LRRC49: variants seen among roughly 807,000 people sequenced by gnomAD.
LRRC49 encodes leucine rich repeat containing 49.
In LRRC49, 50 loss-of-function variants were observed where a neutral mutation model predicts 83.3. The ratio of observed to expected loss-of-function variants is 0.60; its 90% CI spans 0.48 to 0.76. The LOEUF is 0.76. LRRC49 is among the 30% of genes least tolerant of loss of function. The probability of loss-of-function intolerance (pLI) is 0.00; values close to 1 mark genes in which losing one functional copy is unlikely to be tolerated. For missense variants in LRRC49, 704 were observed against 809.1 expected, an observed-to-expected ratio of 0.87 and a Z score of 1.58; for synonymous variants, 286 against 283.3, an observed-to-expected ratio of 1.01 and a Z score of -0.10.
At chr15:70,906,741 A>G (rs150518510) in intron 5 of LRRC49, among the ~76,000 whole-genome samples, 1 of 151,912 alleles carries the variant, frequency 6.6e-6, no homozygotes, top group Non-Finnish European at 1.5e-5. Flanking sequence ...TGTTCTTTCA[A>G]CTCTAAGAGA....
At chr15:70,875,432 A>T (rs921806575) in intron 2 of LRRC49, among the ~76,000 whole-genome samples, 12 of 152,240 alleles carry the variant, frequency 7.9e-5, no homozygotes, top group Admixed American at 4.6e-4. Context: ...TGGTTAGCAT[A>T]CATTTAATTC....
chr15:71,049,210 C>T (rs1366280273), intron 15 of LRRC49, among the ~76,000 whole-genome samples, 199 bp from the exon 16 acceptor site: 1 of 152,046 alleles, frequency 6.6e-6, no homozygotes, highest in African/African-American at 2.4e-5. Flanking sequence ...CTGAGAAGTA[C>T]TGAGACCCTT....
At chr15:70,993,240 A>G in intron 11 of LRRC49, among the ~76,000 whole-genome samples, 1 of 152,198 alleles carries the variant, frequency 6.6e-6, no homozygotes, top group East Asian at 1.9e-4. Context: ...AAAGTGCTGT[A>G]TTAGGGTGGG....
intron 1 of LRRC49, chr15:70,854,007 C>A (rs1272889214): frequency 6.9e-7 from 1 of 1,459,426 alleles, no homozygotes; most frequent in South Asian, 1.3e-5. Context: ...AACTCGTCCA[C>A]GTCCTCGGCC....
intron 14 of LRRC49, among the ~76,000 whole-genome samples, chr15:71,030,702 G>T (rs2141289195): frequency 6.6e-6 from 1 of 151,964 alleles, no homozygotes; most frequent in African/African-American, 2.4e-5. Flanking sequence ...TTTCTTGGAG[G>T]CTTTGTTCAT....
chr15:71,052,302 T>C lies in LRRC49; in HGVS notation c.*2690T>C, dbSNP rs918538697. On this transcript the variant is annotated 3_prime_UTR_variant, in exon 16 of 16. Coordinates refer to ENST00000260382, the MANE Select transcript of LRRC49 (RefSeq NM_017691.5). ...AAAGGGATCTCACGCAGAAACACTA[T>C]TGCATTTGCCTCAAAAGCAGAAACA... is the stretch of plus-strand genomic sequence containing the variant. The C allele has an allele frequency of 3.3e-5, 5 of 152,240 alleles. No homozygotes were observed. The highest frequency in any genetic ancestry group is 9.7e-5 in the African/African-American group (4 of 41,446). 9.4% of individuals were successfully genotyped at this position (152,240 alleles called of 1,614,324 possible).
intron 14 of LRRC49, among the ~76,000 whole-genome samples, chr15:71,024,671 A>C (rs566691546): frequency 6.6e-6 from 1 of 152,264 alleles, no homozygotes; most frequent in South Asian, 2.1e-4. Context: ...AAAAAAAAAA[A>C]CATTGAAAAC....
At chr15:70,954,623 C>A (rs1441602223) in intron 8 of LRRC49, among the ~76,000 whole-genome samples, 1 of 151,994 alleles carries the variant, frequency 6.6e-6, no homozygotes, top group Non-Finnish European at 1.5e-5. Context: ...ATCTTTATTG[C>A]CCTTAGGGTT....
chr15:70,878,219 A>T (rs1460983991), intron 2 of LRRC49, among the ~76,000 whole-genome samples: 2 of 152,160 alleles, frequency 1.3e-5, no homozygotes, highest in South Asian at 2.1e-4. Flanking sequence ...AGTTTTTTTT[A>T]ATCTCAGTTT....
intron 13 of LRRC49, among the ~76,000 whole-genome samples, chr15:71,012,483 A>C (rs2038684813): frequency 6.6e-6 from 1 of 151,846 alleles, no homozygotes; most frequent in South Asian, 2.1e-4. Context: ...TAATCCAAGA[A>C]GCTATAGGAT....
Position 71,049,546 on chromosome 15 carries a change from C to A in LRRC49, c.1995C>A (p.Val665=), listed in dbSNP as rs775616422. The change falls in exon 16 of 16, where the codon GTC becomes GTA. Residue 665 remains valine, a synonymous_variant. Transcript: ENST00000260382. ...TCATTGAGCTTGTTAGGGATGCAGT[C>A]ATAGAAATTCGCAATAAAAATTCCT... ...QMFIELVRDA[V]IEIRNKNSYM... 6.2e-7 allele frequency: 1 copy of A among 1,613,868 alleles called. No homozygotes were observed. Among genetic ancestry groups the A allele is most frequent in the East Asian group, 2.2e-5 (1 of 44,866 alleles).
chr15:70,990,484 G>A (rs2037828976), intron 11 of LRRC49, among the ~76,000 whole-genome samples: 4 of 152,302 alleles, frequency 2.6e-5, no homozygotes, highest in South Asian at 2.1e-4. Flanking sequence ...TAAGCCCATC[G>A]GAAAAGCACA....
At chr15:71,002,003 T>C (rs2038276288) in intron 11 of LRRC49, among the ~76,000 whole-genome samples, 1 of 152,206 alleles carries the variant, frequency 6.6e-6, no homozygotes. Flanking sequence ...CTATCTGCTA[T>C]TTTTATCTGA....
rs147782721 is a variant in LRRC49 at position 70,893,805 on chromosome 15, A to C, written c.105+165A>C. The stretch of plus-strand genomic sequence containing the variant: ...CTTACTTTCTGCCTACATAAAGCTA[A>C]AATAGCCCTCTTTAAAAAACTTAAT... On this transcript the variant is annotated intron_variant, in intron 2 of 15. Coordinates refer to ENST00000260382, the MANE Select transcript of LRRC49 (RefSeq NM_017691.5). 9.1e-3 allele frequency: 5,371 copies of C among 591,864 alleles called. 31 individuals carry two copies. The highest frequency in any genetic ancestry group is 0.011 in the Non-Finnish European group (3,851 of 339,184). 36.7% of individuals were successfully genotyped at this position (591,864 alleles called of 1,614,324 possible).
chr15:70,904,001 G>T (rs1021315288), intron 4 of LRRC49, among the ~76,000 whole-genome samples: 1 of 152,042 alleles, frequency 6.6e-6, no homozygotes, highest in Non-Finnish European at 1.5e-5. Flanking sequence ...GGACCACTTT[G>T]CCATTAATGG....
rs192051308 is a variant in LRRC49, at chr15:71,049,877, C to A, written c.*265C>A. The stretch of plus-strand genomic sequence containing the variant: ...TTCAGAGATGGCGTGGCACTGCATC[C>A]TTGGTTCTTGCTTTGATTGGTGCCC... On this transcript the variant is annotated 3_prime_UTR_variant, in exon 16 of 16. Transcript: ENST00000260382. 429 of 327,638 alleles carry A rather than the reference C, an allele frequency of 1.3e-3. 3 individuals carry two copies. The highest frequency in any genetic ancestry group is 9.7e-3 in the Middle Eastern group (11 of 1,134). 20.3% of individuals were successfully genotyped at this position (327,638 alleles called of 1,614,324 possible). A position where few individuals can be genotyped will look rare whatever the true frequency, so the allele number is the denominator to read the frequency against.
At chr15:70,966,023 C>A (rs2036782038) in intron 9 of LRRC49, among the ~76,000 whole-genome samples, 1 of 152,052 alleles carries the variant, frequency 6.6e-6, no homozygotes, top group Admixed American at 6.6e-5. Flanking sequence ...TCTATGTTTG[C>A]TTTGATGCTG....
chr15:70,993,456 C>T lies in LRRC49; in HGVS notation c.1169+9199C>T, dbSNP rs188827638. On this transcript the variant is annotated intron_variant, in intron 11 of 15. Transcript: ENST00000260382. The stretch of plus-strand genomic sequence containing the variant: ...ACCTCAGTTGGAAATGCAGAAATCA[C>T]CTGTCTTCTGCACTCACGCTGGGAG... Among the ~76,000 whole-genome samples the T allele has an allele frequency of 4.5e-4, 69 of 152,306 alleles. 1 individual carries two copies. The highest frequency in any genetic ancestry group is 3.4e-3 in the Middle Eastern group (1 of 294).
chr15:70,901,926 T>C (rs2034098202), intron 4 of LRRC49, among the ~76,000 whole-genome samples: 1 of 152,206 alleles, frequency 6.6e-6, no homozygotes, highest in Non-Finnish European at 1.5e-5. Flanking sequence ...TCTACCCCAG[T>C]GGTATAACCA....
Sources: allele counts gnomAD v4.1 joint callset (sites outside exome capture counted in the v4.1 genomes callset), GRCh38; gene constraint gnomAD v4.1.1; transcripts MANE v1.5; gene names NCBI Gene and HGNC (gene_info 2026-07-23, HGNC 2026-07-21).